KCNIP4: variants seen among roughly 807,000 people sequenced by gnomAD.
The protein encoded by KCNIP4 is potassium voltage-gated channel interacting protein 4.
Under a neutral mutation model 34.0 loss-of-function variants are expected in KCNIP4, and 12 were observed. The ratio of observed to expected loss-of-function variants is 0.35; its 90% CI spans 0.23 to 0.57. The LOEUF (loss-of-function observed/expected upper bound fraction) is 0.57, where lower values mean the gene tolerates loss of function less well. KCNIP4 is among the 20% of genes least tolerant of loss of function. The probability of loss-of-function intolerance (pLI) is 0.83; values close to 1 mark genes in which losing one functional copy is unlikely to be tolerated. For synonymous variants in KCNIP4, 124 were observed against 102.2 expected, an observed-to-expected ratio of 1.21 and a Z score of -1.29; for missense variants, 238 against 311.7, an observed-to-expected ratio of 0.76 and a Z score of 1.78.
At chr4:20,904,113 AG>A (rs1727459850) in intron 1 of KCNIP4, among the ~76,000 whole-genome samples, 1 of 152,076 alleles carries the variant, frequency 6.6e-6, no homozygotes, top group African/African-American at 2.4e-5. Flanking sequence ...AAGTGAAAGG[AG>A]AATGGAATTA....
intron 1 of KCNIP4, among the ~76,000 whole-genome samples, chr4:21,134,720 A>G (rs189732158): frequency 3.3e-5 from 5 of 152,242 alleles, no homozygotes; most frequent in East Asian, 3.9e-4. Context: ...TTTTCTGAAA[A>G]TATACATCCC....
chr4:20,774,403 GC>G (rs958831132), intron 3 of KCNIP4, among the ~76,000 whole-genome samples: 1 of 152,050 alleles, frequency 6.6e-6, no homozygotes, highest in Non-Finnish European at 1.5e-5. Context: ...TCACTTACTA[GC>G]CTGGAACTTT....
intron 1 of KCNIP4, among the ~76,000 whole-genome samples, chr4:21,442,662 A>G (rs113360512): frequency 1.2e-4 from 19 of 152,272 alleles, no homozygotes; most frequent in African/African-American, 7.2e-5. Flanking sequence ...GGCTTTCCAT[A>G]TCCCTTTGCT....
chr4:21,814,289 T>A (rs1203888842), intron 1 of KCNIP4, among the ~76,000 whole-genome samples: 1 of 152,132 alleles, frequency 6.6e-6, no homozygotes, highest in Non-Finnish European at 1.5e-5. Flanking sequence ...TTTGGCTGTG[T>A]CCCCACCCAA....
intron 1 of KCNIP4, among the ~76,000 whole-genome samples, chr4:21,489,636 C>T (rs1224705718): frequency 2.6e-5 from 4 of 152,020 alleles, no homozygotes; most frequent in Non-Finnish European, 5.9e-5. Context: ...CCTGATGCAT[C>T]AATAATACAT....
At chr4:21,923,660 C>T (rs926981690) in intron 1 of KCNIP4, among the ~76,000 whole-genome samples, 1 of 152,232 alleles carries the variant, frequency 6.6e-6, no homozygotes, top group South Asian at 2.1e-4. Flanking sequence ...GTTCAAGGGG[C>T]TCATCTCCTC....
intron 1 of KCNIP4, among the ~76,000 whole-genome samples, chr4:20,891,936 T>C (rs902873539): frequency 6.6e-6 from 1 of 152,300 alleles, no homozygotes; most frequent in East Asian, 1.9e-4. Flanking sequence ...ATTCATTTAG[T>C]ATTTTCAAAT....
chr4:20,947,362 T>A (rs2149631746), intron 1 of KCNIP4, among the ~76,000 whole-genome samples: 1 of 152,080 alleles, frequency 6.6e-6, no homozygotes, highest in African/African-American at 2.4e-5. Context: ...AGAGATAGGG[T>A]TTCACCATGT....
chr4:21,092,951 A>G lies in KCNIP4; in HGVS notation c.62-210242T>C, dbSNP rs186205742. 2.5e-4 allele frequency among the ~76,000 whole-genome samples: 38 copies of G among 152,386 alleles called. 1 individual carries two copies. Among genetic ancestry groups the G allele is most frequent in the Admixed American group, 2.4e-3 (37 of 15,310 alleles). On this transcript the variant is annotated intron_variant, in intron 1 of 8. Coordinates refer to ENST00000382152, the MANE Select transcript of KCNIP4 (RefSeq NM_025221.6). The stretch of plus-strand genomic sequence containing the variant: ...AAGTATTTGATACAAGGTAAAATCT[A>G]TCATTCAAAGGCATACAAGTACTTT...
At chr4:21,698,739 G>A (rs1712594087) in intron 1 of KCNIP4, among the ~76,000 whole-genome samples, 1 of 152,090 alleles carries the variant, frequency 6.6e-6, no homozygotes, top group Non-Finnish European at 1.5e-5. Flanking sequence ...TACCTAGACA[G>A]GCCTTTTGGC....
intron 3 of KCNIP4, among the ~76,000 whole-genome samples, chr4:20,812,617 T>G (rs1434587014): frequency 2.6e-5 from 4 of 152,206 alleles, no homozygotes; most frequent in African/African-American, 7.2e-5. Flanking sequence ...GGCATAGCTA[T>G]CCCATTCTCT....
chr4:21,719,310 G>A (rs940563167), intron 1 of KCNIP4, among the ~76,000 whole-genome samples: 1 of 152,070 alleles, frequency 6.6e-6, no homozygotes, highest in Non-Finnish European at 1.5e-5. Flanking sequence ...AAATATAGAG[G>A]AGTCAATTTA....
intron 1 of KCNIP4, among the ~76,000 whole-genome samples, chr4:21,827,753 T>G (rs1722757139): frequency 6.6e-6 from 1 of 152,030 alleles, no homozygotes; most frequent in South Asian, 2.1e-4. Flanking sequence ...TTCCTAAGAA[T>G]CCCTAACCAC....
At chr4:21,582,580 A>C (rs2109075583) in intron 1 of KCNIP4, among the ~76,000 whole-genome samples, 1 of 152,162 alleles carries the variant, frequency 6.6e-6, no homozygotes, top group South Asian at 2.1e-4. Context: ...TATGCACAAA[A>C]AATAGGATCA....
At chr4:21,481,196 G>A (rs1461836162) in intron 1 of KCNIP4, among the ~76,000 whole-genome samples, 1 of 152,132 alleles carries the variant, frequency 6.6e-6, no homozygotes. Context: ...AACAAATCCT[G>A]CAGTGAGTTC....
chr4:21,259,885 CTGTG>C (rs4054880), intron 1 of KCNIP4, among the ~76,000 whole-genome samples: 8,207 of 145,994 alleles, frequency 0.056, 698 homozygotes, highest in African/African-American at 0.19. Flanking sequence ...GCGCCCAAGA[CTGTG>C]TGTGTGTGTG....
chr4:21,458,266 A>C (rs1729137748), intron 1 of KCNIP4, among the ~76,000 whole-genome samples: 1 of 151,036 alleles, frequency 6.6e-6, no homozygotes, highest in African/African-American at 2.4e-5. Flanking sequence ...TTCTTGCGAT[A>C]GTTTACTGAG....
intron 1 of KCNIP4, among the ~76,000 whole-genome samples, chr4:21,601,165 T>C (rs1409752104): frequency 1.3e-5 from 2 of 151,996 alleles, no homozygotes; most frequent in East Asian, 3.9e-4. Flanking sequence ...CTCCTCTCAA[T>C]TCCTTCTTCA....
intron 3 of KCNIP4, among the ~76,000 whole-genome samples, chr4:20,828,482 G>A (rs1467492575): frequency 2.0e-5 from 3 of 152,170 alleles, no homozygotes; most frequent in Non-Finnish European, 4.4e-5. Context: ...TTAATTCTAT[G>A]AGAAGGTCCA....
Sources: gnomAD v4.1 joint callset for allele counts (sites outside exome capture counted in the v4.1 genomes callset) on GRCh38, gnomAD v4.1.1 for gene constraint, MANE v1.5 for transcripts, NCBI Gene and HGNC (gene_info 2026-07-23, HGNC 2026-07-21) for gene names.